The following RBFOX1 variants were observed in gnomAD, a reference collection of about 807,000 sequenced individuals.
RBFOX1 encodes the protein RNA binding fox-1 homolog 1, also known as RNA binding protein fox-1 homolog 1.
Under a neutral mutation model 57.7 loss-of-function variants are expected in RBFOX1, and 8 were observed. The ratio of observed to expected loss-of-function variants is 0.14; its 90% CI spans 0.08 to 0.25. RBFOX1 has a LOEUF of 0.25. RBFOX1 is among the 10% of genes least tolerant of loss of function. The pLI, the probability that RBFOX1 is intolerant of heterozygous loss-of-function variation, is 1.00. For synonymous variants in RBFOX1, 326 were observed against 222.4 expected (o/e 1.47, Z -4.15); for missense variants, 611 against 548.5 (o/e 1.11, Z -1.14).
intron 3 of RBFOX1, among the ~76,000 whole-genome samples, chr16:5,644,695 A>G (rs1034175321): frequency 4.6e-5 from 7 of 152,204 alleles, no homozygotes; most frequent in Admixed American, 4.6e-4. Flanking sequence ...TCTTATTCTG[A>G]TTATGAACTG....
intron 4 of RBFOX1, among the ~76,000 whole-genome samples, chr16:7,103,563 T>C (rs1239275791): frequency 6.6e-6 from 1 of 152,020 alleles, no homozygotes; most frequent in Non-Finnish European, 1.5e-5. Flanking sequence ...TATAGATAGA[T>C]TGATAATCTA....
chr16:7,160,184 G>A (rs2078008460), intron 4 of RBFOX1, among the ~76,000 whole-genome samples: 1 of 151,184 alleles, frequency 6.6e-6, no homozygotes. Flanking sequence ...AACTTCATAT[G>A]ACTTTTGACT....
intron 3 of RBFOX1, among the ~76,000 whole-genome samples, chr16:6,859,035 C>T (rs1603633194): frequency 1.3e-5 from 2 of 148,906 alleles, no homozygotes; most frequent in South Asian, 4.3e-4. Context: ...TGTATAAGTG[C>T]CAGGACTGAG....
At chr16:7,527,363 C>G (rs988215331) in intron 5 of RBFOX1, among the ~76,000 whole-genome samples, 3 of 152,102 alleles carry the variant, frequency 2.0e-5, no homozygotes, top group African/African-American at 4.8e-5. Context: ...CAAAAACTGT[C>G]TAGTCCTGGA....
rs577235373 is a variant in RBFOX1, at chr16:7,401,885, T to C, written c.28-116262T>C. On this transcript the variant is annotated intron_variant, in intron 4 of 15. Coordinates refer to ENST00000550418, the MANE Select transcript of RBFOX1 (RefSeq NM_018723.4). Reference sequence around the variant, plus strand: ...CTTGATTGTCCTTTAAAAATGGCTCTGGAGAAATTTTATACCCAGGCTCAT... The same window carrying C: ...CTTGATTGTCCTTTAAAAATGGCTCCGGAGAAATTTTATACCCAGGCTCAT... Among the ~76,000 whole-genome samples the C allele has an allele frequency of 1.1e-4, 16 of 152,308 alleles. No homozygotes were observed. In the East Asian group the frequency reaches 1.7e-3, roughly 17 times the overall value.
At chr16:7,129,226 T>C (rs1416990194) in intron 4 of RBFOX1, among the ~76,000 whole-genome samples, 1 of 152,088 alleles carries the variant, frequency 6.6e-6, no homozygotes, top group Non-Finnish European at 1.5e-5. Flanking sequence ...CTTTATATAG[T>C]TTTTATTGAT....
chr16:6,728,564 A>G (rs2067786286), intron 3 of RBFOX1, among the ~76,000 whole-genome samples: 1 of 152,208 alleles, frequency 6.6e-6, no homozygotes, highest in East Asian at 1.9e-4. Flanking sequence ...ATCCCCCACA[A>G]AAAGCACAAT....
chr16:7,211,176 G>C (rs185613482), intron 4 of RBFOX1, among the ~76,000 whole-genome samples: 63 of 151,676 alleles, frequency 4.2e-4, no homozygotes, highest in African/African-American at 1.5e-3. Flanking sequence ...GGGATCATGA[G>C]GTCAGGAGAT....
chr16:5,770,646 G>A (rs986269225), intron 3 of RBFOX1, among the ~76,000 whole-genome samples: 4 of 152,130 alleles, frequency 2.6e-5, no homozygotes. Context: ...TTACTCTGTT[G>A]GCTCACTCTT....
At chr16:6,292,596 A>AG (rs57448631) in intron 1 of RBFOX1, among the ~76,000 whole-genome samples, 29,647 of 151,986 alleles carry the variant, frequency 0.2, 3,048 homozygotes, top group African/African-American at 0.21. Context: ...AAAATGGTTG[A>AG]GGGGGAACCT....
At chr16:7,673,878 T>G (rs1426226212) in intron 13 of RBFOX1, among the ~76,000 whole-genome samples, 1 of 152,202 alleles carries the variant, frequency 6.6e-6, no homozygotes, top group East Asian at 1.9e-4. Flanking sequence ...GACACATTTT[T>G]GTCAAATGAT....
At chr16:7,443,650 A>G (rs955473246) in intron 4 of RBFOX1, among the ~76,000 whole-genome samples, 3 of 152,180 alleles carry the variant, frequency 2.0e-5, no homozygotes, top group Admixed American at 6.5e-5. Flanking sequence ...GCGTATTTCT[A>G]TATATGTCTG....
chr16:7,395,449 G>A (rs2148608046), intron 4 of RBFOX1, among the ~76,000 whole-genome samples: 1 of 152,304 alleles, frequency 6.6e-6, no homozygotes, highest in African/African-American at 2.4e-5. Flanking sequence ...AGAAGTATTG[G>A]GGAAGCTAAG....
intron 4 of RBFOX1, among the ~76,000 whole-genome samples, chr16:7,207,043 G>A (rs1287245474): frequency 6.6e-6 from 1 of 152,246 alleles, no homozygotes; most frequent in East Asian, 1.9e-4. Flanking sequence ...GCAACTTCAA[G>A]GGCTTTATGG....
intron 2 of RBFOX1, among the ~76,000 whole-genome samples, chr16:5,587,160 C>G (rs148176270): frequency 6.6e-6 from 1 of 152,124 alleles, no homozygotes; most frequent in African/African-American, 2.4e-5. Flanking sequence ...AGTGAGCAAC[C>G]CATTGAGTTG....
chr16:6,344,871 A>G (rs1340182062), intron 2 of RBFOX1, among the ~76,000 whole-genome samples: 1 of 150,052 alleles, frequency 6.7e-6, no homozygotes, highest in African/African-American at 2.5e-5. Context: ...TTCTATTTTT[A>G]GTAGACACGA....
At chr16:5,644,130 A>C (rs944345031) in intron 3 of RBFOX1, among the ~76,000 whole-genome samples, 2 of 152,252 alleles carry the variant, frequency 1.3e-5, no homozygotes, top group African/African-American at 4.8e-5. Flanking sequence ...TAAAAGCAGA[A>C]GTTCATGGTC....
chr16:5,469,385 TG>T (rs1211649096), intron 2 of RBFOX1, among the ~76,000 whole-genome samples: 1 of 152,154 alleles, frequency 6.6e-6, no homozygotes, highest in Non-Finnish European at 1.5e-5. Flanking sequence ...TTTGTTGTGG[TG>T]GGGGAGCAGT....
intron 4 of RBFOX1, among the ~76,000 whole-genome samples, chr16:7,149,078 C>G (rs17669927): frequency 6.6e-5 from 10 of 152,012 alleles, no homozygotes; most frequent in Admixed American, 2.0e-4. Context: ...AAAACATTTC[C>G]TTTCTCACAG....
Sources: allele counts gnomAD v4.1 joint callset (sites outside exome capture counted in the v4.1 genomes callset), GRCh38; gene constraint gnomAD v4.1.1; transcripts MANE v1.5; gene names NCBI Gene and HGNC (gene_info 2026-07-23, HGNC 2026-07-21).